DAB2IP: variants seen among roughly 807,000 people sequenced by gnomAD.
The protein encoded by DAB2IP is disabled homolog 2-interacting protein.
DAB2IP carries 28 observed loss-of-function variants against 107.2 expected under a neutral mutation model. That is an observed-to-expected ratio of 0.26 (90% CI 0.19 to 0.36). The LOEUF (loss-of-function observed/expected upper bound fraction) is 0.36, where lower values mean the gene tolerates loss of function less well. Among genes scored for constraint, DAB2IP ranks in the 10% least tolerant of loss-of-function variants. DAB2IP has a pLI of 1.00. For synonymous variants in DAB2IP, 755 were observed against 706.4 expected, an observed-to-expected ratio of 1.07 and a Z score of -1.09; for missense variants, 1,400 against 1,644.7, an observed-to-expected ratio of 0.85 and a Z score of 2.57.
chr9:121,638,328 A>G (rs1292434910), intron 1 of DAB2IP, among the ~76,000 whole-genome samples: 1 of 152,214 alleles, frequency 6.6e-6, no homozygotes, highest in Non-Finnish European at 1.5e-5. Context: ...GGGTATGCAT[A>G]TGCTATATTT....
intron 1 of DAB2IP, among the ~76,000 whole-genome samples, chr9:121,625,241 C>CT (rs55645811): frequency 0.28 from 36,269 of 127,704 alleles, 5,842 homozygotes; most frequent in South Asian, 0.34. Flanking sequence ...AGTGGCTGGG[C>CT]TTTTTTTTTT....
At chr9:121,672,120 T>C (rs940939289) in intron 1 of DAB2IP, among the ~76,000 whole-genome samples, 1 of 152,220 alleles carries the variant, frequency 6.6e-6, no homozygotes, top group African/African-American at 2.4e-5. Context: ...TTTTCATTTC[T>C]TTTACTTAGT....
chr9:121,597,313 T>C (rs1830551625), intron 1 of DAB2IP, among the ~76,000 whole-genome samples: 1 of 152,226 alleles, frequency 6.6e-6, no homozygotes, highest in Non-Finnish European at 1.5e-5. Flanking sequence ...GGGATTCAGC[T>C]CATCTTTTAC....
At chr9:121,667,034 A>G (rs932708548) in intron 1 of DAB2IP, among the ~76,000 whole-genome samples, 1 of 152,140 alleles carries the variant, frequency 6.6e-6, no homozygotes, top group Non-Finnish European at 1.5e-5. Context: ...TTTTCGAGAC[A>G]GAGTCTTGCT....
intron 1 of DAB2IP, among the ~76,000 whole-genome samples, chr9:121,625,591 A>G (rs1397426082): frequency 6.6e-6 from 1 of 151,150 alleles, no homozygotes; most frequent in Non-Finnish European, 1.5e-5. Flanking sequence ...TCCCTTTGGC[A>G]GTGAGGTTTG....
At chr9:121,611,495 C>T (rs1831095314) in intron 1 of DAB2IP, among the ~76,000 whole-genome samples, 1 of 152,176 alleles carries the variant, frequency 6.6e-6, no homozygotes, top group African/African-American at 2.4e-5. Flanking sequence ...TGACCTTGGA[C>T]AAAGTTATCT....
chr9:121,714,497 CG>C (rs1046223142), intron 3 of DAB2IP, among the ~76,000 whole-genome samples: 26 of 152,140 alleles, frequency 1.7e-4, no homozygotes, highest in African/African-American at 6.3e-4. Flanking sequence ...CCTTTTAGGG[CG>C]GGGCACCGAT....
In DAB2IP at chr9:121,782,249, C is replaced by G. The variant is rs1053133963; in HGVS notation, c.3403-82C>G. On this transcript the variant is annotated intron_variant, in intron 15 of 15. Coordinates refer to ENST00000408936, the Ensembl canonical transcript of DAB2IP. The surrounding 1 kb of genome is among the most constrained non-coding windows in gnomAD (Gnocchi z 6.1). ...TGCCACCCTCATCTCCAGGCCACCC[C>G]CTTCCCCGATGCTTGTCGTAGGTAT... The G allele has an allele frequency of 8.5e-6, 13 of 1,536,342 alleles. No individual in the cohort carries two copies. Among genetic ancestry groups the G allele is most frequent in the African/African-American group, 2.7e-5 (2 of 73,048 alleles).
chr9:121,569,604 G>A (rs928542819), intron 1 of DAB2IP, among the ~76,000 whole-genome samples: 2 of 152,236 alleles, frequency 1.3e-5, no homozygotes, highest in Admixed American at 6.5e-5. Context: ...TGGATCACTT[G>A]AAGTCAGGAG....
intron 1 of DAB2IP, among the ~76,000 whole-genome samples, chr9:121,609,503 C>T (rs1831014214): frequency 6.6e-6 from 1 of 152,216 alleles, no homozygotes; most frequent in Non-Finnish European, 1.5e-5. Flanking sequence ...TCCAGGCATC[C>T]TGCACTGATT....
At chr9:121,765,644 C>G (rs906957351) in intron 8 of DAB2IP, among the ~76,000 whole-genome samples, 3 of 152,224 alleles carry the variant, frequency 2.0e-5, no homozygotes, top group African/African-American at 7.2e-5. Flanking sequence ...TCAGATCACC[C>G]TGAGCTCATG....
At chr9:121,657,461 C>T (rs1299783386) in intron 1 of DAB2IP, among the ~76,000 whole-genome samples, 1 of 152,196 alleles carries the variant, frequency 6.6e-6, no homozygotes, top group African/African-American at 2.4e-5. Flanking sequence ...GCCAAGAGCT[C>T]CCCCTGATTA....
intron 1 of DAB2IP, among the ~76,000 whole-genome samples, chr9:121,657,484 T>C (rs905628858): frequency 6.6e-6 from 1 of 152,224 alleles, no homozygotes; most frequent in African/African-American, 2.4e-5. Flanking sequence ...TCATGTCTCA[T>C]CTCAGTTCTC....
exon 16 of DAB2IP, chr9:121,784,403 C>CT (rs1412031921): frequency 6.5e-6 from 1 of 152,980 alleles, no homozygotes; most frequent in African/African-American, 2.4e-5. Flanking sequence ...TGACCTCGGA[C>CT]AGAGCCCCCC....
intron 2 of DAB2IP, among the ~76,000 whole-genome samples, chr9:121,687,900 A>G (rs1828966184): frequency 6.6e-6 from 1 of 152,146 alleles, no homozygotes; most frequent in African/African-American, 2.4e-5. Flanking sequence ...CTTACGGACG[A>G]GGATGTTGAG....
chr9:121,698,953 C>CG lies in DAB2IP; in HGVS notation c.229-367dup, dbSNP rs996522366. Reference sequence around the variant, plus strand: ...CGGGGCGGCCGGCCCTGGCGGTCCCCGGGGGTCTCCGCCCCTCCGCAGCCC... The same window carrying CG: ...CGGGGCGGCCGGCCCTGGCGGTCCCCGGGGGGTCTCCGCCCCTCCGCAGCCC... On this transcript the variant is annotated intron_variant, in intron 2 of 15. Coordinates refer to ENST00000408936, the Ensembl canonical transcript of DAB2IP. The surrounding 1 kb of genome is among the most constrained non-coding windows in gnomAD (Gnocchi z 4.1). Among the ~76,000 whole-genome samples, 5 of 151,770 alleles carry CG rather than the reference C, an allele frequency of 3.3e-5. No individual in the cohort carries two copies. Among genetic ancestry groups the CG allele is most frequent in the African/African-American group, 1.2e-4 (5 of 41,390 alleles).
intron 1 of DAB2IP, among the ~76,000 whole-genome samples, chr9:121,620,450 A>C (rs1248483326): frequency 2.0e-5 from 3 of 152,208 alleles, no homozygotes; most frequent in Non-Finnish European, 4.4e-5. Flanking sequence ...TGACCTGCTG[A>C]GTAACTGAGC....
intron 14 of DAB2IP, among the ~76,000 whole-genome samples, chr9:121,777,956 C>T (rs1235404227): frequency 6.6e-6 from 1 of 152,188 alleles, no homozygotes; most frequent in African/African-American, 2.4e-5. Context: ...CCTTTTGATT[C>T]GTGTTGGTAT....
intron 1 of DAB2IP, among the ~76,000 whole-genome samples, chr9:121,607,127 A>G (rs1178857950): frequency 6.6e-6 from 1 of 152,116 alleles, no homozygotes; most frequent in Non-Finnish European, 1.5e-5. Context: ...TCAGGTGACC[A>G]GGTCAGAGAT....
Sources: gnomAD v4.1 joint callset for allele counts (sites outside exome capture counted in the v4.1 genomes callset) on GRCh38, gnomAD v4.1.1 for gene constraint, Gnocchi (gnomAD v3.1) non-coding constraint, MANE v1.5 for transcripts, NCBI Gene and HGNC (gene_info 2026-07-23, HGNC 2026-07-21) for gene names.